Variants in STK3 observed in about 807,000 individuals in gnomAD.
STK3 encodes serine/threonine kinase 3, also known as serine/threonine-protein kinase 3.
A neutral mutation model predicts 58.0 loss-of-function variants in STK3; 41 were observed. That is an observed-to-expected ratio of 0.71 (90% CI 0.55 to 0.92). STK3 has a LOEUF of 0.92. STK3 is among the 40% of genes least tolerant of loss of function. STK3 has a pLI of 0.00. For synonymous variants in STK3, 170 were observed against 191.0 expected (o/e 0.89, Z 0.91); for missense variants, 479 against 602.7 (o/e 0.79, Z 2.15).
At chr8:98,933,839 G>C (rs138358196) in intron 1 of STK3, among the ~76,000 whole-genome samples, 1 of 152,250 alleles carries the variant, frequency 6.6e-6, no homozygotes, top group Non-Finnish European at 1.5e-5. Flanking sequence ...TTCTAGACTT[G>C]GAAGAGAGAA....
chr8:98,695,193 G>C (rs1414004383), intron 6 of STK3, among the ~76,000 whole-genome samples: 2 of 152,034 alleles, frequency 1.3e-5, no homozygotes, highest in African/African-American at 4.8e-5. Flanking sequence ...TTTTTGATGG[G>C]GTTGTTTTTT....
chr8:98,390,318 GTTCTT>G (rs1198297144), upstream of STK3, among the ~76,000 whole-genome samples: 1 of 152,128 alleles, frequency 6.6e-6, no homozygotes, highest in African/African-American at 2.4e-5. Context: ...TGGAATGACA[GTTCTT>G]TTCTTTCAGC....
intron 4 of STK3, chr8:98,721,158 A>C (rs1406566652): frequency 1.0e-5 from 10 of 967,828 alleles, no homozygotes; most frequent in East Asian, 1.1e-4. Flanking sequence ...CAGATGCTTA[A>C]TTCTGCTAAA....
chr8:98,901,675 A>G (rs1838661713), intron 1 of STK3, among the ~76,000 whole-genome samples: 1 of 152,252 alleles, frequency 6.6e-6, no homozygotes, highest in Admixed American at 6.5e-5. Flanking sequence ...AGGCAGCCTC[A>G]TTCCACACTG....
chr8:98,708,433 A>G (rs1361267576), intron 4 of STK3, among the ~76,000 whole-genome samples: 1 of 152,166 alleles, frequency 6.6e-6, no homozygotes, highest in Non-Finnish European at 1.5e-5. Context: ...TAACCCTTCC[A>G]AGTTCTGGAC....
At chr8:98,860,852 C>T (rs1456910046) in intron 3 of STK3, among the ~76,000 whole-genome samples, 9 of 151,956 alleles carry the variant, frequency 5.9e-5, no homozygotes, top group Admixed American at 2.0e-4. Context: ...TCCAGGAGTT[C>T]GAGAACAGCT....
intron 3 of STK3, among the ~76,000 whole-genome samples, chr8:98,393,412 C>T (rs1817866549): frequency 6.6e-6 from 1 of 152,152 alleles, no homozygotes; most frequent in Non-Finnish European, 1.5e-5. Context: ...TGTGTCCATA[C>T]CCTTTGCAAT....
At chr8:98,650,771 G>A (rs1820839216) in intron 6 of STK3, among the ~76,000 whole-genome samples, 2 of 152,244 alleles carry the variant, frequency 1.3e-5, no homozygotes, top group African/African-American at 2.4e-5. Flanking sequence ...CTGCAAGGTG[G>A]CAGCGAGGCT....
At chr8:98,695,941 A>C (rs1175503179) in intron 6 of STK3, among the ~76,000 whole-genome samples, 2 of 152,106 alleles carry the variant, frequency 1.3e-5, no homozygotes, top group Non-Finnish European at 2.9e-5. Flanking sequence ...TTGAATCTAT[A>C]AATTACCTTG....
chr8:98,825,466 C>CG (rs1462135963), intron 1 of STK3, 49 bp downstream of exon 1: 1 of 1,433,610 alleles, frequency 7.0e-7, no homozygotes, highest in African/African-American at 1.5e-5. Flanking sequence ...CCCCGCCCCG[C>CG]GGCCGCCGGC....
chr8:98,433,226 C>G (rs998668993), intron 3 of STK3, among the ~76,000 whole-genome samples: 2 of 152,154 alleles, frequency 1.3e-5, no homozygotes, highest in Non-Finnish European at 2.9e-5. Flanking sequence ...GAAACAGACA[C>G]CCCTGCAGGA....
intron 6 of STK3, among the ~76,000 whole-genome samples, chr8:98,654,472 A>C (rs1235440941): frequency 1.3e-5 from 2 of 152,154 alleles, no homozygotes; most frequent in African/African-American, 4.8e-5. Context: ...TAGTGTTGGA[A>C]GTTCTGGCCA....
At chr8:98,797,969 T>C (rs961341245) in intron 1 of STK3, among the ~76,000 whole-genome samples, 2 of 152,148 alleles carry the variant, frequency 1.3e-5, no homozygotes, top group African/African-American at 4.8e-5. Context: ...AGTAGAAACA[T>C]TTTGTGAACG....
At chr8:98,556,507 A>G (rs1326363693) in intron 8 of STK3, among the ~76,000 whole-genome samples, 1 of 152,106 alleles carries the variant, frequency 6.6e-6, no homozygotes, top group Non-Finnish European at 1.5e-5. Flanking sequence ...TTAGGGAAGA[A>G]TAGACAGTGG....
At chr8:98,675,579 C>A (rs558822535) in intron 6 of STK3, among the ~76,000 whole-genome samples, 5 of 152,010 alleles carry the variant, frequency 3.3e-5, no homozygotes, top group African/African-American at 1.2e-4. Flanking sequence ...AGCAGGGACT[C>A]GGGCTGGGCG....
intron 6 of STK3, among the ~76,000 whole-genome samples, chr8:98,648,771 A>G (rs1820617280): frequency 6.6e-6 from 1 of 152,086 alleles, no homozygotes; most frequent in African/African-American, 2.4e-5. Context: ...ACCCACCTGT[A>G]GTCCCAGCTA....
At chr8:98,851,826 AT>A (rs1459580151) in intron 3 of STK3, among the ~76,000 whole-genome samples, 2 of 152,046 alleles carry the variant, frequency 1.3e-5, no homozygotes, top group Non-Finnish European at 2.9e-5. Context: ...TTACAAAAAC[AT>A]TTTTTTAAAC....
rs560357435 is a variant in STK3, at chr8:98,695,844, C to G, written c.684+10623G>C. Among the ~76,000 whole-genome samples, 463 of 152,208 alleles carry G rather than the reference C, an allele frequency of 3.0e-3. 1 individual carries two copies. Among genetic ancestry groups the G allele is most frequent in the Non-Finnish European group, 5.0e-3 (338 of 68,002 alleles). On this transcript the variant is annotated intron_variant, in intron 6 of 10. Transcript: ENST00000419617. Reference sequence around the variant, plus strand: ...TTGGGTTAGGATTGACTCGGCAATGCGGGCTCTTTTTGGGTTCCATATGAA... The same window carrying G: ...TTGGGTTAGGATTGACTCGGCAATGGGGGCTCTTTTTGGGTTCCATATGAA...
intron 4 of STK3, among the ~76,000 whole-genome samples, chr8:98,742,835 T>C (rs1829327544): frequency 1.3e-5 from 2 of 151,932 alleles, no homozygotes; most frequent in South Asian, 4.1e-4. Context: ...AAAACCCCAT[T>C]GTCTTAGCCC....
Sources: allele counts gnomAD v4.1 joint callset (sites outside exome capture counted in the v4.1 genomes callset), GRCh38; gene constraint gnomAD v4.1.1; transcripts MANE v1.5; gene names NCBI Gene and HGNC (gene_info 2026-07-23, HGNC 2026-07-21).